MIS18A: variants seen among roughly 807,000 people sequenced by gnomAD.
MIS18A encodes the protein protein Mis18-alpha.
Under a neutral mutation model 25.0 loss-of-function variants are expected in MIS18A, and 14 were observed. The ratio of observed to expected loss-of-function variants is 0.56; its 90% CI spans 0.37 to 0.88. MIS18A has a LOEUF of 0.88. Ranked by LOEUF, MIS18A falls within the 40% of genes least tolerant of loss-of-function variation. MIS18A has a pLI of 0.00. For missense variants in MIS18A, 292 were observed against 290.8 expected (o/e 1.00, Z -0.03); for synonymous variants, 134 against 118.6 (o/e 1.13, Z -0.84).
chr21:32,211,130 TC>T, the MIS18A span, among the ~76,000 whole-genome samples: 1 of 152,100 alleles, frequency 6.6e-6, no homozygotes, highest in African/African-American at 2.4e-5. Flanking sequence ...AACATTTGCC[TC>T]CCGGGTTCAA....
At chr21:32,265,662 C>T (rs1389562925), downstream of MIS18A, among the ~76,000 whole-genome samples, 1 of 152,276 alleles carries the variant, frequency 6.6e-6, no homozygotes. Flanking sequence ...ACGAGCACCA[C>T]CCCCTGCTCC....
At chr21:32,206,054 C>G in the MIS18A span, among the ~76,000 whole-genome samples, 5 of 152,176 alleles carry the variant, frequency 3.3e-5, no homozygotes, top group Non-Finnish European at 7.4e-5. Context: ...GTGGTCCCCC[C>G]ATCCACTGTA....
the MIS18A span, among the ~76,000 whole-genome samples, chr21:32,181,065 AT>A: frequency 6.6e-6 from 1 of 152,178 alleles, no homozygotes; most frequent in African/African-American, 2.4e-5. Context: ...GAACTGGCAT[AT>A]AGAATCAAGC....
chr21:32,278,414 G>A, intron 1 of MIS18A: 1 of 484,714 alleles, frequency 2.1e-6, no homozygotes, highest in Non-Finnish European at 3.6e-6. Flanking sequence ...GTCGCCCTTT[G>A]TTTCTGAGTA....
the MIS18A span, among the ~76,000 whole-genome samples, chr21:32,183,970 G>A: frequency 3.9e-5 from 6 of 152,210 alleles, no homozygotes; most frequent in African/African-American, 1.2e-4. Context: ...TTAAGGGAAG[G>A]ACATTCATCT....
the MIS18A span, among the ~76,000 whole-genome samples, chr21:32,169,590 G>A: frequency 0.053 from 8,011 of 152,046 alleles, 278 homozygotes; most frequent in South Asian, 0.085. Flanking sequence ...ATCTCTTACC[G>A]GTGTCTAACC....
the MIS18A span, among the ~76,000 whole-genome samples, chr21:32,215,716 G>C: frequency 3.3e-5 from 5 of 152,140 alleles, no homozygotes; most frequent in Admixed American, 3.3e-4. Context: ...AGAGGATCAG[G>C]AGGAGCCTCC....
At chr21:32,210,934 G>GA in the MIS18A span, among the ~76,000 whole-genome samples, 30 of 151,580 alleles carry the variant, frequency 2.0e-4, no homozygotes, top group East Asian at 5.2e-3. Context: ...ATAAATTCTG[G>GA]AAAAAAAATA....
the MIS18A span, among the ~76,000 whole-genome samples, chr21:32,237,440 C>T: frequency 6.6e-6 from 1 of 152,164 alleles, no homozygotes; most frequent in African/African-American, 2.4e-5. Context: ...CAGCCAATTG[C>T]CATAGCTTAA....
the MIS18A span, among the ~76,000 whole-genome samples, chr21:32,249,832 C>T: frequency 2.0e-5 from 3 of 152,130 alleles, 1 homozygote; most frequent in Admixed American, 1.3e-4. Context: ...CCCCCATGGC[C>T]TAAACACCTC....
At chr21:32,227,221 T>A in the MIS18A span, among the ~76,000 whole-genome samples, 1 of 150,092 alleles carries the variant, frequency 6.7e-6, no homozygotes, top group African/African-American at 2.5e-5. Flanking sequence ...AGAGACAAAA[T>A]AAACGAAATA....
At chr21:32,232,631 G>A in the MIS18A span, among the ~76,000 whole-genome samples, 7 of 152,098 alleles carry the variant, frequency 4.6e-5, no homozygotes, top group East Asian at 1.2e-3. Context: ...ATCATGCTAC[G>A]TGAAATTAAC....
chr21:32,203,455 T>C, the MIS18A span, among the ~76,000 whole-genome samples: 1 of 149,780 alleles, frequency 6.7e-6, no homozygotes, highest in African/African-American at 2.5e-5. Context: ...GGGGTGAAAC[T>C]CAGAATGGTA....
the MIS18A span, among the ~76,000 whole-genome samples, chr21:32,201,924 G>T: frequency 1.3e-5 from 2 of 152,044 alleles, no homozygotes; most frequent in Non-Finnish European, 2.9e-5. Flanking sequence ...ATAGAAAGCC[G>T]AGTATTAGCT....
the MIS18A span, among the ~76,000 whole-genome samples, chr21:32,248,425 C>G: frequency 5.9e-5 from 9 of 152,178 alleles, no homozygotes; most frequent in Non-Finnish European, 1.3e-4. Context: ...TCTTCCTTAT[C>G]CCCCTGAGCG....
intron 1 of MIS18A, among the ~76,000 whole-genome samples, chr21:32,276,791 G>C (rs2031819568): frequency 6.6e-6 from 1 of 152,114 alleles, no homozygotes; most frequent in South Asian, 2.1e-4. Flanking sequence ...TTAGCCAGGT[G>C]TTAGTGTGTA....
the MIS18A span, among the ~76,000 whole-genome samples, chr21:32,194,692 C>G: frequency 1.3e-5 from 2 of 152,006 alleles, no homozygotes; most frequent in Admixed American, 1.3e-4. Context: ...GATATAGACA[C>G]CATGGAATAC....
At chr21:32,178,120 A>G in the MIS18A span, among the ~76,000 whole-genome samples, 2 of 151,990 alleles carry the variant, frequency 1.3e-5, no homozygotes, top group South Asian at 4.1e-4. Flanking sequence ...AGGTCTCACT[A>G]TGTTGCCCAG....
downstream of MIS18A, among the ~76,000 whole-genome samples, chr21:32,264,167 A>C (rs1281998363): frequency 6.6e-6 from 1 of 152,170 alleles, no homozygotes; most frequent in African/African-American, 2.4e-5. Context: ...TTTTTAGGAA[A>C]TATTTTAAGT....
Sources: allele counts gnomAD v4.1 joint callset (sites outside exome capture counted in the v4.1 genomes callset), GRCh38; gene constraint gnomAD v4.1.1; transcripts MANE v1.5; gene names NCBI Gene and HGNC (gene_info 2026-07-23, HGNC 2026-07-21).